Variants in PAWR observed in about 807,000 individuals in gnomAD.
The protein encoded by PAWR is pro-apoptotic WT1 regulator, also known as PRKC apoptosis WT1 regulator protein.
PAWR carries 23 observed loss-of-function variants against 32.0 expected under a neutral mutation model. The observed-to-expected ratio is 0.72, with a 90% CI of 0.52 to 1.02. The LOEUF (loss-of-function observed/expected upper bound fraction) is 1.02. Among genes scored for constraint, PAWR ranks in the 50% least tolerant of loss-of-function variants. The pLI is 0.00. For synonymous variants in PAWR, 226 were observed against 187.1 expected (o/e 1.21, Z -1.70); for missense variants, 457 against 437.7 (o/e 1.04, Z -0.39).
chr12:79,684,674 T>C (rs1426902768), intron 2 of PAWR, among the ~76,000 whole-genome samples: 2 of 152,024 alleles, frequency 1.3e-5, no homozygotes, highest in Non-Finnish European at 1.5e-5. Context: ...GGCCACTAGC[T>C]TGATAATGAT....
intron 3 of PAWR, among the ~76,000 whole-genome samples, chr12:79,616,798 T>C (rs1193955161): frequency 6.6e-6 from 1 of 152,164 alleles, no homozygotes; most frequent in Non-Finnish European, 1.5e-5. Flanking sequence ...GCTAGCTTGA[T>C]ACAGTTGATA....
chr12:79,665,236 A>G (rs1565697064), intron 2 of PAWR, among the ~76,000 whole-genome samples: 1 of 152,220 alleles, frequency 6.6e-6, no homozygotes, highest in Non-Finnish European at 1.5e-5. Flanking sequence ...TAAAACAGAT[A>G]TCTTCAAACC....
At chr12:79,660,196 CCA>C (rs1877282663) in intron 2 of PAWR, among the ~76,000 whole-genome samples, 1 of 152,070 alleles carries the variant, frequency 6.6e-6, no homozygotes, top group South Asian at 2.1e-4. Context: ...CAAATTTATC[CCA>C]GTCAAGAGTA....
intron 3 of PAWR, among the ~76,000 whole-genome samples, chr12:79,614,423 A>C (rs1874628893): frequency 6.6e-6 from 1 of 152,104 alleles, no homozygotes; most frequent in African/African-American, 2.4e-5. Context: ...CTACATATAC[A>C]GCTAAAAATG....
intron 2 of PAWR, among the ~76,000 whole-genome samples, chr12:79,621,650 A>G (rs568010401): frequency 2.0e-5 from 3 of 152,308 alleles, no homozygotes; most frequent in Non-Finnish European, 4.4e-5. Flanking sequence ...TTCTAGCTTT[A>G]TATTCTATGA....
At chr12:79,626,557 C>A (rs1055210148) in intron 2 of PAWR, among the ~76,000 whole-genome samples, 3 of 151,352 alleles carry the variant, frequency 2.0e-5, no homozygotes, top group Non-Finnish European at 4.4e-5. Flanking sequence ...CACGCCCCGC[C>A]GAAATGACAA....
At chr12:79,657,478 A>G (rs1175098256) in intron 2 of PAWR, among the ~76,000 whole-genome samples, 2 of 151,690 alleles carry the variant, frequency 1.3e-5, no homozygotes, top group African/African-American at 2.4e-5. Context: ...GTGGGTTGAG[A>G]TTGCTGAGAA....
chr12:79,633,625 T>C (rs750309068), intron 2 of PAWR, among the ~76,000 whole-genome samples: 2 of 152,078 alleles, frequency 1.3e-5, no homozygotes, highest in Non-Finnish European at 2.9e-5. Context: ...GCCCAGTTTC[T>C]ACAACTTATA....
At chr12:79,620,438 T>G (rs1874948178) in intron 3 of PAWR, among the ~76,000 whole-genome samples, 1 of 152,136 alleles carries the variant, frequency 6.6e-6, no homozygotes, top group Non-Finnish European at 1.5e-5. Context: ...CCAAGGAGAC[T>G]GCTCACATAG....
At chr12:79,646,364 A>G (rs1255581286) in intron 2 of PAWR, among the ~76,000 whole-genome samples, 1 of 152,208 alleles carries the variant, frequency 6.6e-6, no homozygotes, top group Non-Finnish European at 1.5e-5. Context: ...TGAACTAAAG[A>G]CATGTCTGAC....
chr12:79,647,351 T>C (rs1009349885), intron 2 of PAWR, among the ~76,000 whole-genome samples: 4 of 152,188 alleles, frequency 2.6e-5, no homozygotes, highest in African/African-American at 7.2e-5. Context: ...ACAAATGTTA[T>C]TGTATACAAA....
rs578117439 is a variant in PAWR, at chr12:79,617,923, T to TG, written c.648+3152dup. The stretch of plus-strand genomic sequence containing the variant: ...TCCTGCTCCTATCATGTGATGTGCC[T>TG]GCTTCCGCTTTGCTTTCCTCCATGA... On this transcript the variant is annotated intron_variant, in intron 3 of 6. Coordinates refer to ENST00000328827, the MANE Select transcript of PAWR (RefSeq NM_002583.4). Among the ~76,000 whole-genome samples, 30 of 152,316 alleles carry TG rather than the reference T, an allele frequency of 2.0e-4. No homozygotes were observed. In the South Asian group the frequency reaches 6.2e-3, roughly 32 times the overall value.
chr12:79,593,686 A>T (rs2136671578), intron 6 of PAWR, among the ~76,000 whole-genome samples: 1 of 148,298 alleles, frequency 6.7e-6, no homozygotes, highest in African/African-American at 2.5e-5. Flanking sequence ...AATAATAAAG[A>T]GTACCAATTT....
chr12:79,609,116 G>A (rs547626458), intron 4 of PAWR, among the ~76,000 whole-genome samples: 4 of 152,210 alleles, frequency 2.6e-5, no homozygotes, highest in African/African-American at 7.2e-5. Context: ...TGGGGTTGGA[G>A]GACAATGTTC....
intron 4 of PAWR, among the ~76,000 whole-genome samples, chr12:79,609,447 G>A (rs1566000690): frequency 6.6e-6 from 1 of 152,040 alleles, no homozygotes. Flanking sequence ...TTGAACTGTG[G>A]CCCAAAGTGA....
intron 2 of PAWR, among the ~76,000 whole-genome samples, chr12:79,639,833 CATTCCTATTCCTATTCCTATTCCT>C (rs200677061): frequency 2.6e-4 from 33 of 127,504 alleles, no homozygotes; most frequent in East Asian, 1.5e-3. Context: ...TTTCCTTTTC[CATTCCTATTCCTATTCCTATTCCT>C]ATTCCTATTC....
intron 2 of PAWR, among the ~76,000 whole-genome samples, chr12:79,666,739 G>A (rs1391325701): frequency 6.6e-6 from 1 of 152,044 alleles, no homozygotes; most frequent in Non-Finnish European, 1.5e-5. Flanking sequence ...ACATGCAGTG[G>A]GCTTTTTTTC....
At chr12:79,663,170 C>T (rs1389046277) in intron 2 of PAWR, among the ~76,000 whole-genome samples, 2 of 152,166 alleles carry the variant, frequency 1.3e-5, no homozygotes, top group East Asian at 3.9e-4. Flanking sequence ...GGCTTGCTCC[C>T]TTGGTGTGGC....
At chr12:79,624,822 A>G (rs1875200541) in intron 2 of PAWR, among the ~76,000 whole-genome samples, 1 of 152,302 alleles carries the variant, frequency 6.6e-6, no homozygotes, top group African/African-American at 2.4e-5. Context: ...CCATATTTTA[A>G]TCAGAGCTTT....
Sources: allele counts gnomAD v4.1 joint callset (sites outside exome capture counted in the v4.1 genomes callset), GRCh38; gene constraint gnomAD v4.1.1; transcripts MANE v1.5; gene names NCBI Gene and HGNC (gene_info 2026-07-23, HGNC 2026-07-21).